The following CBFA2T3 variants were observed in gnomAD, a reference collection of about 807,000 sequenced individuals.
CBFA2T3 encodes the protein CBFA2/RUNX1 partner transcriptional co-repressor 3, also known as transcriptional corepressor CBFA2T3.
A neutral mutation model predicts 58.6 loss-of-function variants in CBFA2T3; 31 were observed. That is an observed-to-expected ratio of 0.53 (90% CI 0.40 to 0.71). The LOEUF (loss-of-function observed/expected upper bound fraction) is 0.71, where lower values mean the gene tolerates loss of function less well. Ranked by LOEUF, CBFA2T3 falls within the 30% of genes least tolerant of loss-of-function variation. The probability of loss-of-function intolerance (pLI) is 0.00; values close to 1 mark genes in which losing one functional copy is unlikely to be tolerated. For missense variants in CBFA2T3, 1,076 were observed against 963.1 expected (o/e 1.12, Z -1.55); for synonymous variants, 531 against 421.9 (o/e 1.26, Z -3.17).
chr16:88,932,384 CAGCACTTTGGG>C, intron 1 of CBFA2T3, among the ~76,000 whole-genome samples: 1 of 152,120 alleles, frequency 6.6e-6, no homozygotes, highest in African/African-American at 2.4e-5. Flanking sequence ...CCTACAATCC[CAGCACTTTGGG>C]AGGCTGAGGT....
intron 1 of CBFA2T3, among the ~76,000 whole-genome samples, chr16:88,975,007 G>T (rs1475685214): frequency 4.0e-5 from 6 of 149,544 alleles, no homozygotes; most frequent in Non-Finnish European, 8.9e-5. Context: ...GAAGCCAGGG[G>T]CAGGACCCCG....
intron 1 of CBFA2T3, among the ~76,000 whole-genome samples, chr16:88,949,135 T>C (rs918685069): frequency 1.3e-5 from 2 of 152,184 alleles, no homozygotes; most frequent in Non-Finnish European, 2.9e-5. Context: ...AGCAGAGCAA[T>C]TTATATAATA....
chr16:88,894,230 A>G (rs3927948), intron 3 of CBFA2T3, among the ~76,000 whole-genome samples: 1,919 of 96,336 alleles, frequency 0.02, 32 homozygotes, highest in African/African-American at 0.06. Context: ...ACACATGCAC[A>G]CACACATGCA....
chr16:88,915,786 C>A (rs567944047), intron 1 of CBFA2T3, among the ~76,000 whole-genome samples: 111 of 150,612 alleles, frequency 7.4e-4, no homozygotes, highest in African/African-American at 2.5e-3. Flanking sequence ...CGAGCAGACA[C>A]GTGGGCTAGA....
chr16:88,875,017 G>T lies in CBFA2T3; in HGVS notation c.*1959C>A, dbSNP rs779865796. The stretch of plus-strand genomic sequence containing the variant: ...CTGGTTCAGTAGCTGGGTCACTCCC[G>T]TATTGCACTGAGTTCCTAGAACTCC... On this transcript the variant is annotated 3_prime_UTR_variant, in exon 12 of 12. Transcript: ENST00000268679. The T allele has an allele frequency of 2.6e-4, 60 of 234,270 alleles. No individual in the cohort carries two copies. Among genetic ancestry groups the T allele is most frequent in the Non-Finnish European group, 4.2e-4 (50 of 118,424 alleles). 14.5% of individuals were successfully genotyped at this position (234,270 alleles called of 1,614,324 possible).
intron 1 of CBFA2T3, among the ~76,000 whole-genome samples, chr16:88,969,092 T>C (rs575181344): frequency 3.3e-5 from 5 of 152,322 alleles, no homozygotes; most frequent in African/African-American, 1.2e-4. Context: ...AGCAGTCGGC[T>C]GGGTCAGGCT....
chr16:88,880,094 GA>G (rs1438433356), intron 10 of CBFA2T3: 1 of 156,282 alleles, frequency 6.4e-6, no homozygotes, highest in African/African-American at 2.4e-5. Context: ...CACAGATCCT[GA>G]TCTGTGCTAA....
chr16:88,936,141 C>T (rs987053515), intron 1 of CBFA2T3, among the ~76,000 whole-genome samples: 2 of 152,138 alleles, frequency 1.3e-5, no homozygotes, highest in East Asian at 1.9e-4. Flanking sequence ...TCAGGGAGGT[C>T]GGGTACACTG....
At chr16:88,898,669 C>T (rs547416174) in intron 2 of CBFA2T3, among the ~76,000 whole-genome samples, 15 of 152,344 alleles carry the variant, frequency 9.8e-5, no homozygotes, top group South Asian at 2.1e-4. Flanking sequence ...ACCTGAGACT[C>T]GGCTTGGAGT....
chr16:88,953,552 G>T lies in CBFA2T3; in HGVS notation c.151+23105C>A, dbSNP rs1209040484. 6.6e-6 allele frequency among the ~76,000 whole-genome samples: 1 copy of T among 152,180 alleles called. No homozygotes were observed. The highest frequency in any genetic ancestry group is 1.5e-5 in the Non-Finnish European group (1 of 68,008). ...GCTGGGGTTGAGCAGTGGGGATCAGGATCTGGCAGGATCGGAATGTAGAGG... is the reference window on the plus strand; with the variant it reads ...GCTGGGGTTGAGCAGTGGGGATCAGTATCTGGCAGGATCGGAATGTAGAGG... On this transcript the variant is annotated intron_variant, in intron 1 of 11. Coordinates refer to ENST00000268679, the MANE Select transcript of CBFA2T3 (RefSeq NM_005187.6). This position sits in a 1 kb window ranked among gnomAD's most constrained non-coding sequence, Gnocchi z 4.9.
chr16:88,948,122 G>A (rs1230271431), intron 1 of CBFA2T3, among the ~76,000 whole-genome samples: 1 of 152,152 alleles, frequency 6.6e-6, no homozygotes, highest in African/African-American at 2.4e-5. Context: ...CGATCAGAAC[G>A]GGAGCTGTGT....
rs1030909242 is a variant in CBFA2T3 at position 88,958,781 on chromosome 16, G to C, written c.151+17876C>G. 2.0e-5 allele frequency among the ~76,000 whole-genome samples: 3 copies of C among 152,092 alleles called. No individual in the cohort carries two copies. The highest frequency in any genetic ancestry group is 4.4e-5 in the Non-Finnish European group (3 of 67,992). Reference sequence around the variant, plus strand: ...GGGCCTCAGCGTAGCCCAGGTCTGCGCTGGCTCTGGGCTCTTCCCGCTGCA... The same window carrying C: ...GGGCCTCAGCGTAGCCCAGGTCTGCCCTGGCTCTGGGCTCTTCCCGCTGCA... On this transcript the variant is annotated intron_variant, in intron 1 of 11. Coordinates refer to ENST00000268679, the MANE Select transcript of CBFA2T3 (RefSeq NM_005187.6). The surrounding 1 kb of genome is among the most constrained non-coding windows in gnomAD (Gnocchi z 4.0).
rs141730570 is a variant in CBFA2T3, at chr16:88,899,595, C to A, written c.305-1443G>T. Among the ~76,000 whole-genome samples, 77 of 152,256 alleles carry A rather than the reference C, an allele frequency of 5.1e-4. 2 individuals carry two copies. The East Asian group carries it at 0.01, about 20-fold the overall frequency. On this transcript the variant is annotated intron_variant, in intron 2 of 11. Transcript: ENST00000268679. ...CGTTCACAGGTCTCCAGAAGCAGAG[C>A]CCGACGCTCTGCTGATCCCAACCCA...
At chr16:88,891,427 G>A (rs1394198399) in intron 5 of CBFA2T3, among the ~76,000 whole-genome samples, 1 of 152,170 alleles carries the variant, frequency 6.6e-6, no homozygotes, top group Non-Finnish European at 1.5e-5. Flanking sequence ...GAGTGGCTGT[G>A]GACCGAACGC....
chr16:88,914,591 A>C (rs1970630742), intron 1 of CBFA2T3, among the ~76,000 whole-genome samples: 1 of 152,222 alleles, frequency 6.6e-6, no homozygotes, highest in South Asian at 2.1e-4. Context: ...CATGTTTTTA[A>C]AGCGACCAGG....
intron 1 of CBFA2T3, among the ~76,000 whole-genome samples, chr16:88,968,355 C>T (rs1460527959): frequency 1.3e-5 from 2 of 152,196 alleles, no homozygotes; most frequent in Admixed American, 1.3e-4. Context: ...GCCCGGAGAG[C>T]CCCCCAGGTG....
At chr16:88,939,274 C>G (rs1366173204) in intron 1 of CBFA2T3, 3 of 152,384 alleles carry the variant, frequency 2.0e-5, no homozygotes, top group Middle Eastern at 3.4e-3. Context: ...CCCTCCCACT[C>G]ACCAGCCCTG....
rs774752898 is a variant in CBFA2T3, at chr16:88,877,284, G to C, written c.1663-9C>G. 2 of 1,538,946 alleles carry C rather than the reference G, an allele frequency of 1.3e-6. No individual in the cohort carries two copies. The highest frequency in any genetic ancestry group is 1.8e-6 in the Non-Finnish European group (2 of 1,141,548). ...CCGCAGTTCCAGCAGCTCTGGGTGG[G>C]GGCAGAGGGGCCAGTCAGGGCTGGG... On this transcript the variant is annotated splice_polypyrimidine_tract_variant and intron_variant, in intron 11 of 11. Coordinates refer to ENST00000268679, the MANE Select transcript of CBFA2T3 (RefSeq NM_005187.6).
chr16:88,910,312 C>G (rs1027262949), intron 1 of CBFA2T3, among the ~76,000 whole-genome samples: 1 of 152,202 alleles, frequency 6.6e-6, no homozygotes, highest in East Asian at 1.9e-4. Flanking sequence ...CTCCTGTCAC[C>G]GGCTCTCCCT....
Sources: gnomAD v4.1 joint callset for allele counts (sites outside exome capture counted in the v4.1 genomes callset) on GRCh38, gnomAD v4.1.1 for gene constraint, Gnocchi (gnomAD v3.1) non-coding constraint, MANE v1.5 for transcripts, NCBI Gene and HGNC (gene_info 2026-07-23, HGNC 2026-07-21) for gene names.